RIMBP2: variants seen among roughly 807,000 people sequenced by gnomAD.
RIMBP2 encodes RIMS-binding protein 2.
A neutral mutation model predicts 118.6 loss-of-function variants in RIMBP2; 48 were observed. The observed-to-expected ratio is 0.40, with a 90% CI of 0.32 to 0.51. The LOEUF (loss-of-function observed/expected upper bound fraction) is 0.51. Ranked by LOEUF, RIMBP2 falls within the 20% of genes least tolerant of loss-of-function variation. RIMBP2 has a pLI of 0.41. For missense variants in RIMBP2, 1,551 were observed against 1,768.3 expected (o/e 0.88, Z 2.20); for synonymous variants, 762 against 742.9 (o/e 1.03, Z -0.42).
intron 1 of RIMBP2, among the ~76,000 whole-genome samples, chr12:130,685,427 C>T (rs1381695431): frequency 1.3e-5 from 2 of 152,178 alleles, no homozygotes; most frequent in African/African-American, 4.8e-5. Flanking sequence ...CCAGAACAAT[C>T]GGAGACAGTA....
chr12:130,424,319 G>C lies in RIMBP2; in HGVS notation c.2952C>G (p.Leu984=). 8.1e-7 allele frequency: 1 copy of C among 1,231,614 alleles called. No homozygotes were observed. 76.3% of individuals were successfully genotyped at this position (1,231,614 alleles called of 1,614,324 possible). Reference sequence around the variant, plus strand: ...GGCCGGGCTGGGGGTCGTCGTTCCTGAGGAGGCCACCAGGGCCCACCTGCT... The same window carrying C: ...GGCCGGGCTGGGGGTCGTCGTTCCTCAGGAGGCCACCAGGGCCCACCTGCT... ...FGEQVGPGGL[L]RNDDPQPGPE... The change falls in exon 16 of 23, where the codon CTC becomes CTG. Residue 984 remains leucine (L), a synonymous_variant. Coordinates refer to ENST00000690449, the MANE Select transcript of RIMBP2 (RefSeq NM_001393629.1). The surrounding 1 kb of genome is among the most constrained non-coding windows in gnomAD (Gnocchi z 9.8).
intron 21 of RIMBP2, among the ~76,000 whole-genome samples, chr12:130,402,072 C>T (rs1193255661): frequency 6.6e-6 from 1 of 152,182 alleles, no homozygotes; most frequent in Non-Finnish European, 1.5e-5. Flanking sequence ...CACACACAGC[C>T]CTAGTAAAAT....
chr12:130,610,271 C>T (rs1341905101), intron 2 of RIMBP2, among the ~76,000 whole-genome samples: 1 of 152,124 alleles, frequency 6.6e-6, no homozygotes, highest in East Asian at 2.0e-4. Context: ...CGTTCTGGGG[C>T]CTCTGGCAGT....
chr12:130,409,859 T>A (rs2075555566), intron 19 of RIMBP2, among the ~76,000 whole-genome samples: 1 of 152,368 alleles, frequency 6.6e-6, no homozygotes, highest in East Asian at 1.9e-4. Flanking sequence ...AACATTCATG[T>A]ACAGTTTTTT....
chr12:130,655,470 C>T (rs898739701), intron 1 of RIMBP2, among the ~76,000 whole-genome samples: 13 of 152,026 alleles, frequency 8.6e-5, no homozygotes, highest in African/African-American at 2.7e-4. Context: ...GTGGGCAGGG[C>T]GGAGAGTCAG....
At chr12:130,503,098 C>G (rs1204889693) in intron 4 of RIMBP2, among the ~76,000 whole-genome samples, 1 of 152,000 alleles carries the variant, frequency 6.6e-6, no homozygotes, top group African/African-American at 2.4e-5. Flanking sequence ...CAAGTCCCAT[C>G]AAAAAGAACA....
intron 5 of RIMBP2, among the ~76,000 whole-genome samples, chr12:130,478,711 G>C (rs1446661969): frequency 6.6e-6 from 1 of 152,186 alleles, no homozygotes; most frequent in Non-Finnish European, 1.5e-5. Flanking sequence ...CTGCTTTCGC[G>C]TTATAAAACA....
At chr12:130,485,945 G>A (rs1009783040) in intron 4 of RIMBP2, among the ~76,000 whole-genome samples, 4 of 152,202 alleles carry the variant, frequency 2.6e-5, no homozygotes, top group South Asian at 4.1e-4. Context: ...AGAAGCACTC[G>A]GCCCTCGAAG....
chr12:130,507,601 C>G (rs1045380314), intron 3 of RIMBP2, among the ~76,000 whole-genome samples: 1 of 152,212 alleles, frequency 6.6e-6, no homozygotes, highest in Non-Finnish European at 1.5e-5. Flanking sequence ...CAGGCCACAA[C>G]CCCCAGGGCC....
intron 2 of RIMBP2, among the ~76,000 whole-genome samples, chr12:130,553,452 A>T (rs2056030579): frequency 6.6e-6 from 1 of 152,190 alleles, no homozygotes; most frequent in Admixed American, 6.5e-5. Flanking sequence ...TCAATATATC[A>T]ATCTTAATAT....
At chr12:130,500,433 G>A (rs1593543026) in intron 4 of RIMBP2, among the ~76,000 whole-genome samples, 1 of 152,168 alleles carries the variant, frequency 6.6e-6, no homozygotes, top group Non-Finnish European at 1.5e-5. Context: ...ACTCCAGCCT[G>A]GGTGACTGAG....
At chr12:130,505,611 C>T (rs1459708279) in intron 4 of RIMBP2, among the ~76,000 whole-genome samples, 1 of 91,514 alleles carries the variant, frequency 1.1e-5, no homozygotes, top group Non-Finnish European at 2.3e-5. Flanking sequence ...TCCCTCCACT[C>T]CCCACCATCA....
intron 2 of RIMBP2, among the ~76,000 whole-genome samples, chr12:130,535,319 C>A (rs1472306604): frequency 6.6e-6 from 1 of 151,282 alleles, no homozygotes; most frequent in Non-Finnish European, 1.5e-5. Flanking sequence ...GGCAACATAG[C>A]AAAACCCAGT....
At chr12:130,663,621 C>T (rs2063749418) in intron 1 of RIMBP2, among the ~76,000 whole-genome samples, 2 of 151,822 alleles carry the variant, frequency 1.3e-5, no homozygotes, top group Admixed American at 6.5e-5. Context: ...CAAATGAAAA[C>T]TACACTGAGA....
At chr12:130,562,136 G>A (rs2056868725) in intron 2 of RIMBP2, among the ~76,000 whole-genome samples, 1 of 152,078 alleles carries the variant, frequency 6.6e-6, no homozygotes. Flanking sequence ...CACTCTTTTA[G>A]TGCATTCTTT....
At chr12:130,696,541 G>A (rs1016093810) in intron 1 of RIMBP2, among the ~76,000 whole-genome samples, 2 of 152,180 alleles carry the variant, frequency 1.3e-5, no homozygotes, top group Non-Finnish European at 2.9e-5. Context: ...AAAGCAGAAG[G>A]ATATGAATTT....
chr12:130,455,980 C>T (rs1332813270), intron 7 of RIMBP2, among the ~76,000 whole-genome samples: 6 of 152,180 alleles, frequency 3.9e-5, no homozygotes, highest in East Asian at 1.9e-4. Context: ...CTGTGATGGG[C>T]GAGGGCTCAT....
intron 6 of RIMBP2, among the ~76,000 whole-genome samples, chr12:130,464,497 G>A (rs547149627): frequency 1.3e-5 from 2 of 152,082 alleles, no homozygotes; most frequent in Non-Finnish European, 2.9e-5. Context: ...CAGGCCCTAC[G>A]TGATTTCATT....
chr12:130,447,542 G>A lies in RIMBP2; in HGVS notation c.582-2273C>T, dbSNP rs1035915832. On this transcript the variant is annotated intron_variant, in intron 9 of 22. Coordinates refer to ENST00000690449, the MANE Select transcript of RIMBP2 (RefSeq NM_001393629.1). The surrounding 1 kb of genome is among the most constrained non-coding windows in gnomAD (Gnocchi z 4.4). ...GGGTTCTTGAGGGGCGATGGGAGAC[G>A]AGGGACAGGTGATCACTGATGGGAA... Among the ~76,000 whole-genome samples the A allele has an allele frequency of 6.6e-6, 1 of 151,234 alleles. No individual in the cohort carries two copies. The highest frequency in any genetic ancestry group is 1.5e-5 in the Non-Finnish European group (1 of 67,918).
Sources: allele counts gnomAD v4.1 joint callset (sites outside exome capture counted in the v4.1 genomes callset), GRCh38; gene constraint gnomAD v4.1.1; non-coding constraint Gnocchi (gnomAD v3.1); transcripts MANE v1.5; gene names NCBI Gene and HGNC (gene_info 2026-07-23, HGNC 2026-07-21).